Variants in OSBPL6 observed in about 807,000 individuals in gnomAD.
OSBPL6 encodes oxysterol binding protein like 6, also known as oxysterol-binding protein-related protein 6.
A neutral mutation model predicts 125.8 loss-of-function variants in OSBPL6; 49 were observed. The ratio of observed to expected loss-of-function variants is 0.39; its 90% CI spans 0.31 to 0.49. OSBPL6 has a LOEUF of 0.49. OSBPL6 is among the 20% of genes least tolerant of loss of function. The pLI, the probability that OSBPL6 is intolerant of heterozygous loss-of-function variation, is 0.88. For missense variants in OSBPL6, 986 were observed against 1,135.4 expected (o/e 0.87, Z 1.89); for synonymous variants, 394 against 391.8 (o/e 1.01, Z -0.07).
chr2:178,369,768 A>T (rs138089287), intron 13 of OSBPL6, among the ~76,000 whole-genome samples: 20 of 152,194 alleles, frequency 1.3e-4, no homozygotes, highest in Admixed American at 1.3e-3. Context: ...TAAGAATTTA[A>T]TTTTTTTAAA....
intron 2 of OSBPL6, among the ~76,000 whole-genome samples, chr2:178,294,594 C>A (rs1685563279): frequency 6.6e-6 from 1 of 152,054 alleles, no homozygotes; most frequent in Admixed American, 6.6e-5. Context: ...TAAGGGATAA[C>A]ATCAGCTTTA....
intron 3 of OSBPL6, among the ~76,000 whole-genome samples, chr2:178,316,526 C>T (rs1687749958): frequency 6.6e-6 from 1 of 152,142 alleles, no homozygotes; most frequent in Admixed American, 6.6e-5. Context: ...ACTTTTAAAA[C>T]CTCTGTAGCC....
At chr2:178,267,818 A>T (rs1574688430) in intron 1 of OSBPL6, among the ~76,000 whole-genome samples, 1 of 21,074 alleles carries the variant, frequency 4.7e-5, no homozygotes, top group African/African-American at 8.3e-5. Context: ...AAGTAATTGC[A>T]AAAAAAAAAA....
chr2:178,356,819 C>T (rs774230013), intron 12 of OSBPL6, among the ~76,000 whole-genome samples: 58 of 152,264 alleles, frequency 3.8e-4, no homozygotes, highest in Non-Finnish European at 6.5e-4. Flanking sequence ...GGAGGCATCA[C>T]GCTACCTGAT....
chr2:178,269,189 A>T (rs906120112), intron 1 of OSBPL6, among the ~76,000 whole-genome samples: 5 of 152,204 alleles, frequency 3.3e-5, no homozygotes, highest in Non-Finnish European at 7.3e-5. Context: ...ATAGGGCAGG[A>T]CATGAGGGGA....
intron 2 of OSBPL6, among the ~76,000 whole-genome samples, chr2:178,287,288 C>T (rs1391598959): frequency 2.6e-5 from 4 of 152,058 alleles, no homozygotes; most frequent in Non-Finnish European, 5.9e-5. Context: ...CATTTCTCCC[C>T]CCTAGATACA....
At chr2:178,221,810 A>G (rs536634768) in intron 1 of OSBPL6, among the ~76,000 whole-genome samples, 2 of 152,310 alleles carry the variant, frequency 1.3e-5, no homozygotes, top group African/African-American at 4.8e-5. Context: ...CATGTTTTAG[A>G]TACTGTTACC....
chr2:178,361,854 T>C, intron 13 of OSBPL6, 39 bp downstream of exon 13: 1 of 1,609,396 alleles, frequency 6.2e-7, no homozygotes, highest in South Asian at 1.1e-5. Context: ...CATGACACAC[T>C]CCCAACCCTG....
At chr2:178,367,390 AT>A (rs1692938725) in intron 13 of OSBPL6, among the ~76,000 whole-genome samples, 1 of 152,156 alleles carries the variant, frequency 6.6e-6, no homozygotes, top group Non-Finnish European at 1.5e-5. Context: ...TCATTTTCTC[AT>A]TCCTTTTGAA....
At chr2:178,222,487 C>T (rs1265474070) in intron 1 of OSBPL6, among the ~76,000 whole-genome samples, 1 of 151,998 alleles carries the variant, frequency 6.6e-6, no homozygotes, top group African/African-American at 2.4e-5. Flanking sequence ...ACTAAAAATA[C>T]AAAAAATTAG....
intron 3 of OSBPL6, among the ~76,000 whole-genome samples, chr2:178,315,230 C>G (rs1301458055): frequency 6.6e-6 from 1 of 152,182 alleles, no homozygotes; most frequent in Non-Finnish European, 1.5e-5. Context: ...CAACGAGCAG[C>G]TCCACAGCTT....
At chr2:178,365,291 C>G (rs906576521) in intron 13 of OSBPL6, among the ~76,000 whole-genome samples, 2 of 152,210 alleles carry the variant, frequency 1.3e-5, no homozygotes, top group African/African-American at 4.8e-5. Flanking sequence ...TGCATTTCAA[C>G]AAGGCTTTAA....
chr2:178,339,208 A>G (rs1689974319), intron 10 of OSBPL6, 114 bp downstream of exon 10: 2 of 546,190 alleles, frequency 3.7e-6, no homozygotes, highest in African/African-American at 3.9e-5. Flanking sequence ...TGCAATACAG[A>G]CATTCATTTA....
intron 6 of OSBPL6, among the ~76,000 whole-genome samples, chr2:178,332,314 A>T (rs868400348): frequency 3.3e-5 from 5 of 152,228 alleles, no homozygotes; most frequent in South Asian, 2.1e-4. Context: ...GATTGACCGC[A>T]GTTATTTTAG....
chr2:178,395,249 C>T (rs1695752894), intron 24 of OSBPL6, among the ~76,000 whole-genome samples: 1 of 152,156 alleles, frequency 6.6e-6, no homozygotes, highest in African/African-American at 2.4e-5. Context: ...CCTGGCCCTA[C>T]CTACTTCCAT....
chr2:178,250,305 T>C (rs1045149381), intron 1 of OSBPL6, among the ~76,000 whole-genome samples: 1 of 152,208 alleles, frequency 6.6e-6, no homozygotes, highest in Non-Finnish European at 1.5e-5. Context: ...TTTGCCAATA[T>C]TTTTGCTGAT....
In OSBPL6 at chr2:178,304,419, A is replaced by G. The variant is rs1686572711; in HGVS notation, c.-155-1611A>G. Reference sequence around the variant, plus strand: ...AGAAATGCCAAACAAAAGAGGAGAAAGCCCCTTACAAAACCATCAGGTCTG... The same window carrying G: ...AGAAATGCCAAACAAAAGAGGAGAAGGCCCCTTACAAAACCATCAGGTCTG... On this transcript the variant is annotated intron_variant, in intron 2 of 24. Transcript: ENST00000190611. Among the ~76,000 whole-genome samples the G allele has an allele frequency of 2.0e-5, 3 of 152,314 alleles. No homozygotes were observed. In the South Asian group the frequency reaches 6.2e-4, roughly 32 times the overall value.
intron 11 of OSBPL6, among the ~76,000 whole-genome samples, chr2:178,347,325 T>C (rs968920651): frequency 3.9e-5 from 6 of 152,122 alleles, no homozygotes; most frequent in African/African-American, 1.4e-4. Flanking sequence ...CCTCAACATA[T>C]TACCAAAGAC....
chr2:178,350,026 G>A (rs1218107364), intron 12 of OSBPL6, among the ~76,000 whole-genome samples: 1 of 152,180 alleles, frequency 6.6e-6, no homozygotes, highest in East Asian at 1.9e-4. Flanking sequence ...TCCTCTTCAA[G>A]GCCAGCTCTG....
Sources: gnomAD v4.1 joint callset for allele counts (sites outside exome capture counted in the v4.1 genomes callset) on GRCh38, gnomAD v4.1.1 for gene constraint, MANE v1.5 for transcripts, NCBI Gene and HGNC (gene_info 2026-07-23, HGNC 2026-07-21) for gene names.